The following LRRC36 variants were observed in gnomAD, a reference collection of about 807,000 sequenced individuals.
LRRC36 encodes leucine-rich repeat-containing protein 36.
In LRRC36, 62 loss-of-function variants were observed where a neutral mutation model predicts 81.1. The ratio of observed to expected loss-of-function variants is 0.76; its 90% CI spans 0.62 to 0.94. LRRC36 has a LOEUF of 0.94. Ranked by LOEUF, LRRC36 falls within the 40% of genes least tolerant of loss-of-function variation. LRRC36 has a pLI of 0.00. For missense variants in LRRC36, 761 were observed against 881.7 expected (o/e 0.86, Z 1.73); for synonymous variants, 334 against 348.6 (o/e 0.96, Z 0.47).
chr16:67,378,769 G>C, intron 12 of LRRC36, 57 bp downstream of exon 12: 1 of 1,584,064 alleles, frequency 6.3e-7, no homozygotes, highest in Non-Finnish European at 8.6e-7. Flanking sequence ...TTTGTTTATA[G>C]ATGACCCATT....
intron 11 of LRRC36, among the ~76,000 whole-genome samples, chr16:67,378,322 C>A (rs372746655): frequency 6.7e-6 from 1 of 148,542 alleles, no homozygotes; most frequent in Admixed American, 6.7e-5. Context: ...TCACTGCAAC[C>A]TCCGCCTCCC....
In LRRC36 at chr16:67,375,409, C is replaced by G; in HGVS notation, c.1657C>G (p.Leu553Val). The change falls in exon 10 of 14, where the codon CTC (leucine) becomes GTC (valine). Residue 553 changes from leucine (L) to valine (V), a missense_variant. Leu to Val is a conservative substitution (Grantham distance 32). This residue lies in a region of LRRC36 where 359 missense variants were observed against 388.4 expected (regional missense o/e 0.92). Coordinates refer to ENST00000329956, the MANE Select transcript of LRRC36 (RefSeq NM_018296.6). ...CTCCCTCCTCCTCAACAAGAAGTTT[C>G]TCGGTGAGTGAATGCATTCTCTGTC... ...SGSLLLNKKFLGPARDLLLSL... is the reference protein window; with the variant it reads ...SGSLLLNKKFVGPARDLLLSL... The G allele has an allele frequency of 6.3e-7, 1 of 1,578,064 alleles. No individual in the cohort carries two copies. The highest frequency in any genetic ancestry group is 8.6e-7 in the Non-Finnish European group (1 of 1,169,290).
Position 67,342,090 on chromosome 16 carries a change from TTA to T in LRRC36, c.198+12_198+13del. ...ATTTGATCACTAGCCTTAAGGTAAGTTATATATTCTATGACCAGCCAGGTCTG... is the reference window on the plus strand; with the variant it reads ...ATTTGATCACTAGCCTTAAGGTAAGTTATATTCTATGACCAGCCAGGTCTG... On this transcript the variant is annotated splice_region_variant and intron_variant, in intron 2 of 13. Coordinates refer to ENST00000329956, the MANE Select transcript of LRRC36 (RefSeq NM_018296.6). The T allele has an allele frequency of 6.3e-7, 1 of 1,582,784 alleles. No individual in the cohort carries two copies. The highest frequency in any genetic ancestry group is 1.3e-5 in the African/African-American group (1 of 74,102).
intron 8 of LRRC36, among the ~76,000 whole-genome samples, chr16:67,370,581 C>T (rs947381111): frequency 1.1e-4 from 16 of 146,200 alleles, no homozygotes; most frequent in African/African-American, 3.8e-4. Context: ...TGCAGTGAGC[C>T]GAGATTGTGC....
intron 5 of LRRC36, 116 bp downstream of exon 5, chr16:67,350,406 C>A: frequency 1.2e-6 from 1 of 852,516 alleles, no homozygotes; most frequent in Non-Finnish European, 1.9e-6. Context: ...TTGAAGCAAG[C>A]ACAGGTTTAC....
intron 3 of LRRC36, among the ~76,000 whole-genome samples, chr16:67,346,884 A>G (rs2038374878): frequency 6.6e-6 from 1 of 151,700 alleles, no homozygotes. Flanking sequence ...TTATTTATTT[A>G]TTTATTTTGA....
At chr16:67,348,163 AATAG>A (rs2038442934) in intron 4 of LRRC36, among the ~76,000 whole-genome samples, 1 of 152,234 alleles carries the variant, frequency 6.6e-6, no homozygotes, top group South Asian at 2.1e-4. Context: ...ATTTTTTAAA[AATAG>A]ATAGCAGTCC....
rs530175455 is a variant in LRRC36 at position 67,341,944 on chromosome 16, G to T, written c.71-13G>T. On this transcript the variant is annotated splice_polypyrimidine_tract_variant and intron_variant, in intron 1 of 13. Coordinates refer to ENST00000329956, the MANE Select transcript of LRRC36 (RefSeq NM_018296.6). ...CAGGGATCATAATATATCTACTGAT[G>T]ATCTCTTTTCAGAACTGGTGGAGTC... 6.2e-7 allele frequency: 1 copy of T among 1,600,474 alleles called. No homozygotes were observed. Among genetic ancestry groups the T allele is most frequent in the African/African-American group, 1.3e-5 (1 of 74,346 alleles).
chr16:67,378,449 A>AGGCTGGTCTCGAACTCCCT (rs2039991954), intron 11 of LRRC36, 140 bp from the exon 12 acceptor site: 1 of 601,072 alleles, frequency 1.7e-6, no homozygotes. Flanking sequence ...CGTGTTGCCC[A>AGGCTGGTCTCGAACTCCCT]GGCTGGTCTC....
chr16:67,327,379 G>A (rs2037240612), intron 1 of LRRC36, among the ~76,000 whole-genome samples: 1 of 152,048 alleles, frequency 6.6e-6, no homozygotes, highest in Non-Finnish European at 1.5e-5. Flanking sequence ...TATAATCCCA[G>A]CTACTCGGGA....
intron 1 of LRRC36, among the ~76,000 whole-genome samples, chr16:67,331,591 A>G (rs971406097): frequency 6.6e-6 from 1 of 152,162 alleles, no homozygotes; most frequent in Non-Finnish European, 1.5e-5. Flanking sequence ...ATATATTTCA[A>G]TGTAAGTTTT....
At chr16:67,375,118 C>T in intron 9 of LRRC36, 129 bp from the exon 10 acceptor site, 1 of 994,366 alleles carries the variant, frequency 1.0e-6, no homozygotes, top group East Asian at 2.5e-5. Context: ...CAGAGCGAGA[C>T]TCCGTCTCCA....
At chr16:67,357,777 C>T (rs1303437442) in intron 5 of LRRC36, among the ~76,000 whole-genome samples, 2 of 152,216 alleles carry the variant, frequency 1.3e-5, no homozygotes, top group African/African-American at 4.8e-5. Flanking sequence ...CTGGCCAGAT[C>T]TCAGCCTCCC....
intron 2 of LRRC36, among the ~76,000 whole-genome samples, chr16:67,343,662 T>G (rs966242275): frequency 1.4e-5 from 2 of 144,590 alleles, no homozygotes; most frequent in African/African-American, 5.2e-5. Flanking sequence ...ACCACTACAC[T>G]CCAGCCTGGG....
intron 5 of LRRC36, among the ~76,000 whole-genome samples, chr16:67,351,425 G>A (rs2038627211): frequency 6.6e-6 from 1 of 151,986 alleles, no homozygotes; most frequent in Admixed American, 6.6e-5. Flanking sequence ...ATGAGACACG[G>A]GCCGGGCATG....
chr16:67,364,187 T>G (rs971813655), intron 6 of LRRC36, among the ~76,000 whole-genome samples: 1 of 152,180 alleles, frequency 6.6e-6, no homozygotes, highest in Non-Finnish European at 1.5e-5. Flanking sequence ...AAAGATGGCA[T>G]GGAAGTTGTG....
At chr16:67,339,698 C>T (rs989943109) in intron 1 of LRRC36, among the ~76,000 whole-genome samples, 6 of 152,122 alleles carry the variant, frequency 3.9e-5, no homozygotes, top group African/African-American at 1.2e-4. Context: ...TCCTGAGATC[C>T]GTCCATTCTG....
At chr16:67,349,636 G>C (rs1353663088) in intron 4 of LRRC36, among the ~76,000 whole-genome samples, 1 of 152,150 alleles carries the variant, frequency 6.6e-6, no homozygotes, top group East Asian at 1.9e-4. Flanking sequence ...AGAAAACAGA[G>C]TATCTAAGTT....
In LRRC36 at chr16:67,346,315, A is replaced by C. The variant is rs561481982; in HGVS notation, c.258A>C (p.Ser86=). Residue 86 remains serine (S), a synonymous_variant, in exon 3 of 14, where the codon TCA becomes TCC. Coordinates refer to ENST00000329956, the MANE Select transcript of LRRC36 (RefSeq NM_018296.6). ...ATTTATATTATAACAACATTCCTTC[A>C]TTAGTGGAAGTGTCCCGTCTACAAC... The part of the protein sequence containing the change: ...DLNLYYNNIP[S]LVEVSRLQPL... 1 of 1,611,976 alleles carries C rather than the reference A, an allele frequency of 6.2e-7. No homozygotes were observed. The highest frequency in any genetic ancestry group is 1.1e-5 in the South Asian group (1 of 90,800).
Sources: gnomAD v4.1 joint callset for allele counts (sites outside exome capture counted in the v4.1 genomes callset) on GRCh38, gnomAD v4.1.1 for gene constraint, gnomAD v4.1.1 regional missense constraint, MANE v1.5 for transcripts, NCBI Gene and HGNC (gene_info 2026-07-23, HGNC 2026-07-21) for gene names.